XKR4: variants seen among roughly 807,000 people sequenced by gnomAD.
XKR4 encodes XK-related protein 4.
Under a neutral mutation model 53.9 loss-of-function variants are expected in XKR4, and 12 were observed. The ratio of observed to expected loss-of-function variants is 0.22; its 90% CI spans 0.14 to 0.36. The LOEUF is 0.36. Ranked by LOEUF, XKR4 falls within the 10% of genes least tolerant of loss-of-function variation. The probability of loss-of-function intolerance (pLI) is 1.00; values close to 1 mark genes in which losing one functional copy is unlikely to be tolerated. For synonymous variants in XKR4, 354 were observed against 362.4 expected, an observed-to-expected ratio of 0.98 and a Z score of 0.26; for missense variants, 799 against 859.5, an observed-to-expected ratio of 0.93 and a Z score of 0.88.
intron 1 of XKR4, among the ~76,000 whole-genome samples, chr8:55,210,090 T>C (rs1244929204): frequency 4.2e-5 from 1 of 24,074 alleles, no homozygotes; most frequent in African/African-American, 7.6e-5. Flanking sequence ...CTCTCCATTT[T>C]TTTTTTTTTT....
chr8:55,130,787 G>T (rs560775778), intron 1 of XKR4, among the ~76,000 whole-genome samples: 32 of 152,194 alleles, frequency 2.1e-4, no homozygotes, highest in Middle Eastern at 3.4e-3. Context: ...TTTGGTAAAG[G>T]AAGTAAAAGC....
rs1806990115 is a variant in XKR4, at chr8:55,533,903, C to T, written c.*9676C>T. The T allele has an allele frequency of 6.6e-6, 1 of 152,172 alleles. No homozygotes were observed. The highest frequency in any genetic ancestry group is 6.5e-5 in the Admixed American group (1 of 15,270). 9.4% of individuals were successfully genotyped at this position (152,172 alleles called of 1,614,324 possible). A position where few individuals can be genotyped will look rare whatever the true frequency, so the allele number is the denominator to read the frequency against. On this transcript the variant is annotated 3_prime_UTR_variant, in exon 3 of 3. Coordinates refer to ENST00000327381, the MANE Select transcript of XKR4 (RefSeq NM_052898.2). Reference sequence around the variant, plus strand: ...TGCTACCTGCTTCTTATGGCTCACGCTATGAATATTCACCTGCTTCATTTG... The same window carrying T: ...TGCTACCTGCTTCTTATGGCTCACGTTATGAATATTCACCTGCTTCATTTG...
At chr8:55,471,412 G>A (rs561709460) in intron 2 of XKR4, among the ~76,000 whole-genome samples, 4 of 152,214 alleles carry the variant, frequency 2.6e-5, no homozygotes, top group African/African-American at 7.2e-5. Flanking sequence ...TCAGCACGGT[G>A]TGGAAATTTG....
intron 2 of XKR4, among the ~76,000 whole-genome samples, chr8:55,488,895 G>A (rs1585602233): frequency 1.4e-4 from 1 of 7,144 alleles, no homozygotes; most frequent in Non-Finnish European, 2.1e-4. Flanking sequence ...CCGAGATCCC[G>A]CCACTGCACT....
At chr8:55,200,213 G>A (rs538564017) in intron 1 of XKR4, among the ~76,000 whole-genome samples, 4 of 152,166 alleles carry the variant, frequency 2.6e-5, no homozygotes, top group East Asian at 1.9e-4. Flanking sequence ...GATTACAGGC[G>A]CCCACCACAA....
Position 55,257,513 on chromosome 8 carries a change from T to C in XKR4, c.807-100165T>C, listed in dbSNP as rs112577446. ...TTAAGAGAAGAAAAAGAGTTCCTGC[T>C]CCTGGGAATTTCAAAGCAATCCTGG... On this transcript the variant is annotated intron_variant, in intron 1 of 2. Transcript: ENST00000327381. 8.3e-3 allele frequency among the ~76,000 whole-genome samples: 1,265 copies of C among 152,092 alleles called. 20 individuals carry two copies. The highest frequency in any genetic ancestry group is 0.027 in the African/African-American group (1,110 of 41,490).
intron 1 of XKR4, among the ~76,000 whole-genome samples, chr8:55,339,226 G>A (rs184310632): frequency 1.3e-5 from 2 of 152,254 alleles, no homozygotes; most frequent in East Asian, 1.9e-4. Context: ...AACTTTGGAG[G>A]CCAACACAAA....
intron 1 of XKR4, among the ~76,000 whole-genome samples, chr8:55,288,533 A>T (rs564926774): frequency 5.5e-4 from 84 of 152,350 alleles, no homozygotes; most frequent in African/African-American, 1.9e-3. Flanking sequence ...AGTATGCCAG[A>T]TAATAATGAA....
Position 55,102,255 on chromosome 8 carries a change from A to G in XKR4, c.-234A>G. On this transcript the variant is annotated 5_prime_UTR_variant, in exon 1 of 3. Coordinates refer to ENST00000327381, the MANE Select transcript of XKR4 (RefSeq NM_052898.2). The surrounding 1 kb of genome is among the most constrained non-coding windows in gnomAD (Gnocchi z 5.1). Reference sequence around the variant, plus strand: ...CGCCGCGAGCAGCTTGGCTCCGCGCAGGCAGCCAGGCGGCGCTCCTGCCGG... The same window carrying G: ...CGCCGCGAGCAGCTTGGCTCCGCGCGGGCAGCCAGGCGGCGCTCCTGCCGG... The G allele has an allele frequency of 3.2e-6, 1 of 311,974 alleles. No homozygotes were observed. The highest frequency in any genetic ancestry group is 4.6e-6 in the Non-Finnish European group (1 of 217,600). The allele number at this position is 311,974 out of a possible 1,614,324, so 19.3% of individuals were successfully genotyped here.
chr8:55,485,933 T>C (rs1036077024), intron 2 of XKR4, among the ~76,000 whole-genome samples: 5 of 152,202 alleles, frequency 3.3e-5, no homozygotes, highest in African/African-American at 9.6e-5. Context: ...AAAATGTAAT[T>C]TTAATTTTGT....
rs1806901764 is a variant in XKR4 at position 55,528,058 on chromosome 8, T to C, written c.*3831T>C. The C allele has an allele frequency of 6.6e-6, 1 of 152,172 alleles. No homozygotes were observed. The highest frequency in any genetic ancestry group is 1.5e-5 in the Non-Finnish European group (1 of 68,028). The allele number at this position is 152,172 out of a possible 1,614,324, so 9.4% of individuals were successfully genotyped here. On this transcript the variant is annotated 3_prime_UTR_variant, in exon 3 of 3. Coordinates refer to ENST00000327381, the MANE Select transcript of XKR4 (RefSeq NM_052898.2). ...AGTAACAGAGATGAAAAGGATAAAGTATATACTGCTTTTGAATGTATATAA... is the reference window on the plus strand; with the variant it reads ...AGTAACAGAGATGAAAAGGATAAAGCATATACTGCTTTTGAATGTATATAA...
chr8:55,454,521 G>A lies in XKR4; in HGVS notation c.1007-68760G>A, dbSNP rs564806842. On this transcript the variant is annotated intron_variant, in intron 2 of 2. Transcript: ENST00000327381. ...AGTACGTTGGTGATGCCCAGCTGGCGGAAGAGCAGGCCACGCTGCAGCTGC... is the reference window on the plus strand; with the variant it reads ...AGTACGTTGGTGATGCCCAGCTGGCAGAAGAGCAGGCCACGCTGCAGCTGC... 218 of 1,343,332 alleles carry A rather than the reference G, an allele frequency of 1.6e-4. No individual in the cohort carries two copies. In the African/African-American group the frequency reaches 2.4e-3, roughly 15 times the overall value. 83.2% of individuals were successfully genotyped at this position (1,343,332 alleles called of 1,614,324 possible).
At chr8:55,401,004 C>T (rs1804592468) in intron 2 of XKR4, among the ~76,000 whole-genome samples, 1 of 152,200 alleles carries the variant, frequency 6.6e-6, no homozygotes, top group Admixed American at 6.5e-5. Flanking sequence ...GCACTTGACT[C>T]ATAGGTACAT....
chr8:55,412,612 A>C (rs1024776582), intron 2 of XKR4, among the ~76,000 whole-genome samples: 4 of 152,238 alleles, frequency 2.6e-5, no homozygotes, highest in Admixed American at 2.6e-4. Context: ...CAAGCCCTCC[A>C]AAATTTATTC....
chr8:55,523,198 C>A, intron 2 of XKR4, 83 bp from the exon 3 acceptor site: 1 of 1,302,048 alleles, frequency 7.7e-7, no homozygotes, highest in Non-Finnish European at 1.0e-6. Context: ...CCAGCCTTCC[C>A]CAAGCCCCCA....
At chr8:55,494,905 C>A (rs562317577) in intron 2 of XKR4, among the ~76,000 whole-genome samples, 2 of 152,264 alleles carry the variant, frequency 1.3e-5, no homozygotes, top group South Asian at 4.1e-4. Flanking sequence ...GGCTTCATGA[C>A]CTCCCCAGCT....
intron 2 of XKR4, among the ~76,000 whole-genome samples, chr8:55,383,540 A>AT (rs1443911393): frequency 1.3e-5 from 2 of 152,296 alleles, no homozygotes; most frequent in Admixed American, 6.5e-5. Flanking sequence ...TTGGCTTTTA[A>AT]TTTTTTGGAA....
chr8:55,181,931 A>C (rs1370464924), intron 1 of XKR4, among the ~76,000 whole-genome samples: 2 of 152,138 alleles, frequency 1.3e-5, no homozygotes, highest in East Asian at 1.9e-4. Flanking sequence ...ATATGTTATT[A>C]AAATATTTGT....
chr8:55,457,146 C>CTTTTCTTTTCTTTTTT (rs533607534), intron 2 of XKR4, among the ~76,000 whole-genome samples: 1 of 137,264 alleles, frequency 7.3e-6, no homozygotes, highest in Non-Finnish European at 1.6e-5. Context: ...TTTTCCTTTT[C>CTTTTCTTTTCTTTTTT]TTTTTTTTTT....
Sources: gnomAD v4.1 joint callset for allele counts (sites outside exome capture counted in the v4.1 genomes callset) on GRCh38, gnomAD v4.1.1 for gene constraint, Gnocchi (gnomAD v3.1) non-coding constraint, MANE v1.5 for transcripts, NCBI Gene and HGNC (gene_info 2026-07-23, HGNC 2026-07-21) for gene names.